STPG2: variants seen among roughly 807,000 people sequenced by gnomAD.
STPG2 encodes sperm-tail PG-rich repeat-containing protein 2.
Under a neutral mutation model 54.2 loss-of-function variants are expected in STPG2, and 56 were observed. That is an observed-to-expected ratio of 1.03 (90% CI 0.83 to 1.29). The LOEUF (loss-of-function observed/expected upper bound fraction) is 1.29, where lower values mean the gene tolerates loss of function less well. STPG2 is among the 50% of genes most tolerant of loss of function. STPG2 has a pLI of 0.00. For synonymous variants in STPG2, 200 were observed against 181.8 expected (o/e 1.10, Z -0.81); for missense variants, 596 against 544.9 (o/e 1.09, Z -0.93).
At chr4:97,658,253 T>C (rs2148959106) in intron 10 of STPG2, among the ~76,000 whole-genome samples, 1 of 152,344 alleles carries the variant, frequency 6.6e-6, no homozygotes, top group South Asian at 2.1e-4. Context: ...TTTGAAATTG[T>C]GTTCTTAAAG....
intron 9 of STPG2, among the ~76,000 whole-genome samples, chr4:97,800,381 T>C (rs1437384435): frequency 1.3e-5 from 2 of 152,242 alleles, no homozygotes; most frequent in East Asian, 1.9e-4. Context: ...CCTTTCTGTT[T>C]GTTAGTTTTC....
At chr4:97,887,995 G>A (rs1297239167) in intron 8 of STPG2, among the ~76,000 whole-genome samples, 1 of 152,198 alleles carries the variant, frequency 6.6e-6, no homozygotes, top group Non-Finnish European at 1.5e-5. Context: ...ATAAGCCTTA[G>A]CAGCTTCCAC....
intron 4 of STPG2, among the ~76,000 whole-genome samples, chr4:98,108,085 A>G (rs1303597368): frequency 6.6e-5 from 10 of 152,110 alleles, no homozygotes; most frequent in Admixed American, 6.6e-4. Context: ...AACAAACGCC[A>G]TGTTTTATTC....
intron 9 of STPG2, among the ~76,000 whole-genome samples, chr4:97,748,509 T>C (rs777332266): frequency 1.8e-4 from 27 of 151,490 alleles, no homozygotes; most frequent in Non-Finnish European, 3.4e-4. Flanking sequence ...ATTATAAAAG[T>C]CATAGAACAA....
intron 10 of STPG2, among the ~76,000 whole-genome samples, chr4:97,704,226 C>T (rs931745642): frequency 5.3e-5 from 8 of 152,146 alleles, no homozygotes; most frequent in African/African-American, 1.9e-4. Flanking sequence ...TATTAACCAT[C>T]ACACCATGAA....
chr4:97,577,837 A>G (rs1171644188), intron 10 of STPG2, among the ~76,000 whole-genome samples: 1 of 152,208 alleles, frequency 6.6e-6, no homozygotes, highest in African/African-American at 2.4e-5. Context: ...AACTATTTTA[A>G]TTGTTAATTG....
chr4:97,731,488 G>C (rs188446307), intron 9 of STPG2, among the ~76,000 whole-genome samples: 152 of 152,236 alleles, frequency 1.0e-3, no homozygotes, highest in Middle Eastern at 3.4e-3. Flanking sequence ...AGCCTAGAGA[G>C]GAAGGTTGGG....
chr4:97,851,893 C>A (rs1001279986), intron 8 of STPG2, among the ~76,000 whole-genome samples: 3 of 152,144 alleles, frequency 2.0e-5, no homozygotes, highest in Non-Finnish European at 4.4e-5. Context: ...CCTGTATAAC[C>A]TTTCTCTTCC....
chr4:97,742,294 G>T (rs967615698), intron 9 of STPG2, among the ~76,000 whole-genome samples: 1 of 151,490 alleles, frequency 6.6e-6, no homozygotes, highest in Non-Finnish European at 1.5e-5. Flanking sequence ...CAGCACACCA[G>T]CATGGCACAT....
intron 10 of STPG2, among the ~76,000 whole-genome samples, chr4:97,702,042 T>A (rs1723795277): frequency 6.6e-6 from 1 of 152,294 alleles, no homozygotes; most frequent in African/African-American, 2.4e-5. Flanking sequence ...TCAGGGGATG[T>A]CTTCTGGATC....
At chr4:98,073,526 G>C (rs1738069746) in intron 5 of STPG2, among the ~76,000 whole-genome samples, 1 of 152,144 alleles carries the variant, frequency 6.6e-6, no homozygotes, top group Admixed American at 6.6e-5. Context: ...AAGAGTTCAA[G>C]ACCAGCCTAG....
At chr4:97,974,716 T>TA (rs1734446324) in intron 6 of STPG2, among the ~76,000 whole-genome samples, 5 of 152,316 alleles carry the variant, frequency 3.3e-5, no homozygotes, top group Middle Eastern at 6.8e-3. Flanking sequence ...GTGCCTTTTA[T>TA]CTTCCACCAT....
intron 7 of STPG2, among the ~76,000 whole-genome samples, chr4:97,964,328 C>T (rs1328560721): frequency 2.0e-5 from 3 of 152,140 alleles, no homozygotes; most frequent in Non-Finnish European, 4.4e-5. Flanking sequence ...GCAGTAAGCA[C>T]ACCCTTTGCT....
chr4:97,944,449 C>T (rs542526392), intron 7 of STPG2, among the ~76,000 whole-genome samples: 40 of 151,940 alleles, frequency 2.6e-4, no homozygotes, highest in Non-Finnish European at 5.6e-4. Context: ...GATCCACTCA[C>T]TCTCTTAAAT....
chr4:97,538,340 C>A lies in STPG2; in HGVS notation c.462+174359G>T, dbSNP rs111290805. On this transcript the variant is annotated intron_variant, in intron 4 of 4. Coordinates refer to the STPG2 transcript ENST00000522676. ...ATGAGAACAACCGATGCAGAGAACT[C>A]CTTAAATAACCTAATGGAGCTGAAA... 5.5e-3 allele frequency among the ~76,000 whole-genome samples: 835 copies of A among 152,238 alleles called. 7 individuals are homozygous for A. Among genetic ancestry groups the A allele is most frequent in the Middle Eastern group, 0.02 (6 of 294 alleles).
chr4:97,456,813 G>A (rs952538661), intron 4 of STPG2, among the ~76,000 whole-genome samples: 1 of 149,016 alleles, frequency 6.7e-6, no homozygotes, highest in African/African-American at 2.5e-5. Context: ...GGAGAATGGC[G>A]TGAATCCAGG....
intron 5 of STPG2, among the ~76,000 whole-genome samples, chr4:98,044,005 T>C (rs1444459142): frequency 6.6e-6 from 1 of 151,990 alleles, no homozygotes; most frequent in Non-Finnish European, 1.5e-5. Context: ...CTCCCACTTA[T>C]ATGTGAGGAC....
chr4:97,931,413 G>A (rs937068760), intron 8 of STPG2, among the ~76,000 whole-genome samples: 1 of 152,112 alleles, frequency 6.6e-6, no homozygotes, highest in Non-Finnish European at 1.5e-5. Context: ...AATTTTATCA[G>A]AAGCCTTTCT....
At chr4:97,490,374 A>C (rs1180123960) in intron 4 of STPG2, among the ~76,000 whole-genome samples, 1 of 151,470 alleles carries the variant, frequency 6.6e-6, no homozygotes, top group Non-Finnish European at 1.5e-5. Flanking sequence ...AGCCATTGGC[A>C]ATATTAATTA....
Sources: gnomAD v4.1 joint callset for allele counts (sites outside exome capture counted in the v4.1 genomes callset) on GRCh38, gnomAD v4.1.1 for gene constraint, MANE v1.5 for transcripts, NCBI Gene and HGNC (gene_info 2026-07-23, HGNC 2026-07-21) for gene names.